Variants in IQCM observed in about 807,000 individuals in gnomAD.
IQCM encodes IQ motif containing M, also known as IQ domain-containing protein M.
A neutral mutation model predicts 57.6 loss-of-function variants in IQCM; 45 were observed. The ratio of observed to expected loss-of-function variants is 0.78; its 90% CI spans 0.62 to 1.00. IQCM has a LOEUF of 1.00. Among genes scored for constraint, IQCM ranks in the 50% least tolerant of loss-of-function variants. IQCM has a pLI of 0.00. For synonymous variants in IQCM, 148 were observed against 158.9 expected (o/e 0.93, Z 0.51); for missense variants, 468 against 511.6 (o/e 0.91, Z 0.82).
intron 13 of IQCM, among the ~76,000 whole-genome samples, chr4:149,418,860 G>A (rs1342674291): frequency 6.6e-6 from 1 of 152,064 alleles, no homozygotes; most frequent in Non-Finnish European, 1.5e-5. Context: ...CAGGCAAGCA[G>A]AGAAACCAAC....
chr4:149,585,459 T>C (rs1752567231), intron 9 of IQCM, among the ~76,000 whole-genome samples: 2 of 151,750 alleles, frequency 1.3e-5, no homozygotes, highest in Admixed American at 1.3e-4. Context: ...TTAAATATTT[T>C]CAATTAAGTA....
chr4:149,482,657 A>G (rs995366190), intron 12 of IQCM, among the ~76,000 whole-genome samples: 2 of 151,824 alleles, frequency 1.3e-5, no homozygotes, highest in Non-Finnish European at 2.9e-5. Flanking sequence ...AATCATTACA[A>G]CTTATTTTTT....
chr4:149,503,724 T>A (rs1043364697), intron 12 of IQCM, among the ~76,000 whole-genome samples: 15 of 151,876 alleles, frequency 9.9e-5, no homozygotes, highest in South Asian at 6.2e-4. Context: ...AGACAAAAAA[T>A]TTTTTTTAAT....
At chr4:149,536,623 C>T (rs1374441708) in intron 12 of IQCM, among the ~76,000 whole-genome samples, 2 of 152,092 alleles carry the variant, frequency 1.3e-5, no homozygotes, top group African/African-American at 2.4e-5. Context: ...GTTTGTATGT[C>T]TCTCCAGTTA....
intron 2 of IQCM, among the ~76,000 whole-genome samples, chr4:149,771,517 T>C (rs1770580555): frequency 6.6e-6 from 1 of 152,126 alleles, no homozygotes; most frequent in Admixed American, 6.5e-5. Flanking sequence ...CCTTTTCTCA[T>C]TCTATCTGGG....
intron 13 of IQCM, among the ~76,000 whole-genome samples, chr4:149,408,530 C>T (rs1370150132): frequency 6.6e-6 from 1 of 152,108 alleles, no homozygotes; most frequent in Non-Finnish European, 1.5e-5. Flanking sequence ...TAAGAAACAG[C>T]TTTAGCAGTC....
At chr4:149,444,249 G>A (rs1736268251) in intron 12 of IQCM, among the ~76,000 whole-genome samples, 1 of 151,850 alleles carries the variant, frequency 6.6e-6, no homozygotes, top group Non-Finnish European at 1.5e-5. Context: ...TTTTAAAAAT[G>A]AATGTGTAAA....
chr4:149,413,501 G>A (rs1733534449), intron 13 of IQCM, among the ~76,000 whole-genome samples: 1 of 152,086 alleles, frequency 6.6e-6, no homozygotes, highest in South Asian at 2.1e-4. Context: ...ACACACACTA[G>A]GAAGAATAAT....
chr4:149,502,954 C>T (rs182850073), intron 12 of IQCM, among the ~76,000 whole-genome samples: 322 of 151,852 alleles, frequency 2.1e-3, no homozygotes, highest in Non-Finnish European at 4.0e-3. Flanking sequence ...AGGCCGGGCA[C>T]GGTGGCTCAT....
chr4:149,812,010 A>C (rs915272403), intron 2 of IQCM, among the ~76,000 whole-genome samples: 9 of 152,208 alleles, frequency 5.9e-5, no homozygotes, highest in African/African-American at 2.2e-4. Context: ...TAAATTATCC[A>C]TGTTGGTGGC....
chr4:149,708,248 C>T (rs543389941), intron 5 of IQCM, among the ~76,000 whole-genome samples: 47 of 152,020 alleles, frequency 3.1e-4, no homozygotes, highest in African/African-American at 1.1e-3. Flanking sequence ...TTATCCAGCA[C>T]CAAAATATAA....
At chr4:149,676,199 A>C (rs889410661) in intron 7 of IQCM, among the ~76,000 whole-genome samples, 1 of 152,064 alleles carries the variant, frequency 6.6e-6, no homozygotes, top group African/African-American at 2.4e-5. Flanking sequence ...GCAGGATAAC[A>C]GTGACAATAG....
At chr4:149,670,319 A>G (rs1761140961) in intron 7 of IQCM, among the ~76,000 whole-genome samples, 1 of 152,116 alleles carries the variant, frequency 6.6e-6, no homozygotes, top group Admixed American at 6.5e-5. Context: ...ATTTTTGCAC[A>G]TTGATTTTGT....
intron 13 of IQCM, among the ~76,000 whole-genome samples, chr4:149,424,059 A>G (rs2111229965): frequency 6.6e-6 from 1 of 152,054 alleles, no homozygotes; most frequent in East Asian, 1.9e-4. Context: ...TACACATTAA[A>G]TAGTTTATGC....
chr4:149,608,929 C>A, intron 8 of IQCM, among the ~76,000 whole-genome samples: 1 of 151,092 alleles, frequency 6.6e-6, no homozygotes, highest in African/African-American at 2.4e-5. Context: ...GAAATGAAAA[C>A]AACACCATGA....
chr4:149,738,074 G>C (rs544437800), intron 3 of IQCM, among the ~76,000 whole-genome samples: 4 of 152,266 alleles, frequency 2.6e-5, no homozygotes, highest in Non-Finnish European at 4.4e-5. Context: ...CAAGACCTTA[G>C]AGATGTTCTA....
intron 7 of IQCM, among the ~76,000 whole-genome samples, chr4:149,654,265 C>T (rs1021348985): frequency 6.6e-6 from 1 of 152,104 alleles, no homozygotes. Flanking sequence ...TGTGTCCCCA[C>T]CAAATCTTAT....
chr4:149,398,103 T>C (rs911834881), intron 13 of IQCM, among the ~76,000 whole-genome samples: 6 of 152,176 alleles, frequency 3.9e-5, no homozygotes, highest in African/African-American at 1.4e-4. Context: ...AATTTCATTG[T>C]TTTGAATATG....
chr4:149,664,254 C>CT (rs1298325905), intron 7 of IQCM, among the ~76,000 whole-genome samples: 6 of 151,954 alleles, frequency 3.9e-5, no homozygotes, highest in Non-Finnish European at 2.9e-5. Flanking sequence ...CCTGAGCTTC[C>CT]TTAAGATCAT....
Sources: gnomAD v4.1 joint callset for allele counts (sites outside exome capture counted in the v4.1 genomes callset) on GRCh38, gnomAD v4.1.1 for gene constraint, MANE v1.5 for transcripts, NCBI Gene and HGNC (gene_info 2026-07-23, HGNC 2026-07-21) for gene names.